Variants in ATP8B1 observed in about 807,000 individuals in gnomAD.
ATP8B1 encodes phospholipid-transporting ATPase IC.
In ATP8B1, 80 loss-of-function variants were observed where a neutral mutation model predicts 149.9. That is an observed-to-expected ratio of 0.53 (90% CI 0.45 to 0.64). The LOEUF (loss-of-function observed/expected upper bound fraction) is 0.64, where lower values mean the gene tolerates loss of function less well. Among genes scored for constraint, ATP8B1 ranks in the 30% least tolerant of loss-of-function variants. The pLI is 0.00. For missense variants in ATP8B1, 1,247 were observed against 1,552.6 expected, an observed-to-expected ratio of 0.80 and a Z score of 3.31; for synonymous variants, 536 against 562.8, an observed-to-expected ratio of 0.95 and a Z score of 0.67.
At chr18:57,684,283 A>C in intron 14 of ATP8B1, 91 bp from the exon 15 acceptor site, 2 of 1,375,962 alleles carry the variant, frequency 1.5e-6, no homozygotes, top group East Asian at 2.5e-5. Flanking sequence ...GCAAGGTTTC[A>C]ATTATGCAAA....
chr18:57,672,457 G>C (rs1220321576), intron 16 of ATP8B1, among the ~76,000 whole-genome samples: 1 of 152,216 alleles, frequency 6.6e-6, no homozygotes, highest in Non-Finnish European at 1.5e-5. Flanking sequence ...GGGTGTAATA[G>C]TTAAACCTGT....
At chr18:57,791,004 G>T (rs1382402294) in intron 1 of ATP8B1, among the ~76,000 whole-genome samples, 1 of 152,030 alleles carries the variant, frequency 6.6e-6, no homozygotes, top group African/African-American at 2.4e-5. Context: ...TTACAGGCAT[G>T]AGCCACCGCG....
intron 2 of ATP8B1, among the ~76,000 whole-genome samples, chr18:57,725,665 A>G (rs2079699118): frequency 6.6e-6 from 1 of 152,244 alleles, no homozygotes; most frequent in African/African-American, 2.4e-5. Flanking sequence ...ACAACGTGGT[A>G]TTGGCATAAA....
chr18:57,680,555 G>T (rs1031235871), intron 15 of ATP8B1, among the ~76,000 whole-genome samples: 3 of 151,002 alleles, frequency 2.0e-5, no homozygotes, highest in Non-Finnish European at 4.4e-5. Flanking sequence ...TTGCACTCCA[G>T]CCTGGGCAAT....
At chr18:57,751,253 G>C (rs1038006575) in intron 1 of ATP8B1, among the ~76,000 whole-genome samples, 1 of 152,122 alleles carries the variant, frequency 6.6e-6, no homozygotes, top group African/African-American at 2.4e-5. Flanking sequence ...ACTTTGGGAG[G>C]CTGAGGCAGG....
chr18:57,702,519 C>G (rs1913176844), intron 4 of ATP8B1, among the ~76,000 whole-genome samples: 1 of 152,168 alleles, frequency 6.6e-6, no homozygotes, highest in African/African-American at 2.4e-5. Flanking sequence ...TAAGAAGCTG[C>G]CTACGGCTAT....
At chr18:57,762,167 C>A (rs1035808238) in intron 1 of ATP8B1, among the ~76,000 whole-genome samples, 1 of 150,444 alleles carries the variant, frequency 6.6e-6, no homozygotes, top group Admixed American at 6.6e-5. Context: ...GAGACAGGGT[C>A]TCACTCTGTT....
At chr18:57,663,301 G>A (rs1910612905) in intron 20 of ATP8B1, among the ~76,000 whole-genome samples, 1 of 152,002 alleles carries the variant, frequency 6.6e-6, no homozygotes, top group Non-Finnish European at 1.5e-5. Flanking sequence ...CCATTATGTG[G>A]AAGCACCACA....
chr18:57,739,342 C>G (rs998006067), intron 1 of ATP8B1, among the ~76,000 whole-genome samples: 1 of 152,166 alleles, frequency 6.6e-6, no homozygotes, highest in African/African-American at 2.4e-5. Flanking sequence ...CTCTTCCACT[C>G]ATGGTATTGA....
At chr18:57,671,707 C>A (rs996665098) in intron 16 of ATP8B1, 127 bp from the exon 17 acceptor site, 1 of 688,890 alleles carries the variant, frequency 1.5e-6, no homozygotes, top group East Asian at 2.9e-5. Flanking sequence ...ACTGTAGCCT[C>A]GACCCCCCAG....
At chr18:57,780,502 G>C (rs1328379468) in intron 1 of ATP8B1, among the ~76,000 whole-genome samples, 1 of 152,170 alleles carries the variant, frequency 6.6e-6, no homozygotes, top group East Asian at 1.9e-4. Context: ...GCTGGGTGAG[G>C]GGGTGTGGAG....
At chr18:57,742,794 AG>A (rs1030846499) in intron 1 of ATP8B1, among the ~76,000 whole-genome samples, 9 of 151,196 alleles carry the variant, frequency 6.0e-5, no homozygotes, top group Non-Finnish European at 1.0e-4. Context: ...ACTTAACTTC[AG>A]GCTAGGTGAC....
chr18:57,777,654 C>T (rs980684607), intron 1 of ATP8B1, among the ~76,000 whole-genome samples: 3 of 151,808 alleles, frequency 2.0e-5, no homozygotes, highest in South Asian at 2.1e-4. Flanking sequence ...CTGCAACCTC[C>T]GCCTCCCAGG....
intron 12 of ATP8B1, among the ~76,000 whole-genome samples, chr18:57,689,823 C>T (rs1488449527): frequency 6.6e-6 from 1 of 152,156 alleles, no homozygotes. Context: ...CAAGACCAGC[C>T]TGACCAACAT....
chr18:57,756,999 CT>C (rs145579025), intron 1 of ATP8B1, among the ~76,000 whole-genome samples: 20,617 of 152,136 alleles, frequency 0.14, 1,779 homozygotes, highest in South Asian at 0.29. Flanking sequence ...TGATTCTCCC[CT>C]GATCCAGTCT....
chr18:57,797,514 GCTTC>G (rs1452073055), intron 1 of ATP8B1, among the ~76,000 whole-genome samples: 2 of 152,078 alleles, frequency 1.3e-5, no homozygotes, highest in Admixed American at 6.6e-5. Flanking sequence ...CCCCACCACA[GCTTC>G]CAGGCCCATT....
At chr18:57,792,808 G>A (rs956837351) in intron 1 of ATP8B1, among the ~76,000 whole-genome samples, 9 of 152,104 alleles carry the variant, frequency 5.9e-5, no homozygotes, top group African/African-American at 1.9e-4. Flanking sequence ...TGGAGATGGG[G>A]AGTGGCTGGA....
chr18:57,797,851 C>T (rs1223162596), intron 1 of ATP8B1, among the ~76,000 whole-genome samples: 7 of 151,778 alleles, frequency 4.6e-5, no homozygotes, highest in South Asian at 2.1e-4. Context: ...GGACTACGGG[C>T]GCATGCCACC....
chr18:57,661,935 G>A (rs1324271603), intron 21 of ATP8B1, among the ~76,000 whole-genome samples: 1 of 151,962 alleles, frequency 6.6e-6, no homozygotes, highest in African/African-American at 2.4e-5. Flanking sequence ...GGCCAGGATG[G>A]TCTCCATCTC....
Sources: allele counts gnomAD v4.1 joint callset (sites outside exome capture counted in the v4.1 genomes callset), GRCh38; gene constraint gnomAD v4.1.1; transcripts MANE v1.5; gene names NCBI Gene and HGNC (gene_info 2026-07-23, HGNC 2026-07-21).